Variants in CDK6 observed in about 807,000 individuals in gnomAD.
CDK6 encodes the protein cyclin-dependent kinase 6.
A neutral mutation model predicts 37.1 loss-of-function variants in CDK6; 6 were observed. The ratio of observed to expected loss-of-function variants is 0.16; its 90% CI spans 0.09 to 0.32. The LOEUF (loss-of-function observed/expected upper bound fraction) is 0.32. CDK6 is among the 10% of genes least tolerant of loss of function. The probability of loss-of-function intolerance (pLI) is 1.00; values close to 1 mark genes in which losing one functional copy is unlikely to be tolerated. For synonymous variants in CDK6, 160 were observed against 161.3 expected (o/e 0.99, Z 0.06); for missense variants, 224 against 418.9 (o/e 0.53, Z 4.06).
intron 4 of CDK6, among the ~76,000 whole-genome samples, chr7:92,718,296 G>A (rs1387066428): frequency 2.6e-5 from 4 of 152,160 alleles, no homozygotes; most frequent in Admixed American, 1.3e-4. Context: ...TTTCGCTGAG[G>A]TGCCGAGGCG....
intron 5 of CDK6, among the ~76,000 whole-genome samples, chr7:92,628,283 C>G (rs920780835): frequency 7.0e-6 from 1 of 142,126 alleles, no homozygotes; most frequent in Non-Finnish European, 1.6e-5. Context: ...GTTTTAAAAT[C>G]AGAAGAAAAA....
intron 4 of CDK6, among the ~76,000 whole-genome samples, chr7:92,713,283 A>C (rs1798144327): frequency 6.6e-6 from 1 of 152,244 alleles, no homozygotes; most frequent in Non-Finnish European, 1.5e-5. Context: ...TAATATACAT[A>C]AACCTGTAAA....
intron 3 of CDK6, among the ~76,000 whole-genome samples, chr7:92,726,397 A>G (rs573281256): frequency 1.1e-4 from 16 of 152,170 alleles, no homozygotes; most frequent in Non-Finnish European, 2.2e-4. Flanking sequence ...TCATACTAGC[A>G]AGAGAGTGCT....
At chr7:92,652,330 C>T (rs1796595002) in intron 5 of CDK6, among the ~76,000 whole-genome samples, 1 of 152,206 alleles carries the variant, frequency 6.6e-6, no homozygotes, top group Non-Finnish European at 1.5e-5. Flanking sequence ...AATTTAGCTA[C>T]TCCATTTTAC....
Position 92,612,528 on chromosome 7 carries a change from G to T in CDK6, c.*2612C>A, listed in dbSNP as rs750768075. On this transcript the variant is annotated 3_prime_UTR_variant, in exon 8 of 8. Transcript: ENST00000424848. Reference sequence around the variant, plus strand: ...TTCACTCAAATGCAACAACTACACCGATGGAAGAACTGGGGACAGATTTTT... The same window carrying T: ...TTCACTCAAATGCAACAACTACACCTATGGAAGAACTGGGGACAGATTTTT... The T allele has an allele frequency of 4.3e-6, 1 of 233,038 alleles. No individual in the cohort carries two copies. Among genetic ancestry groups the T allele is most frequent in the East Asian group, 6.0e-5 (1 of 16,538 alleles). The allele number at this position is 233,038 out of a possible 1,614,324, so 14.4% of individuals were successfully genotyped here.
chr7:92,643,445 C>T (rs529480905), intron 5 of CDK6, among the ~76,000 whole-genome samples: 8 of 151,904 alleles, frequency 5.3e-5, no homozygotes, highest in African/African-American at 1.2e-4. Context: ...ATAAGACTGA[C>T]GTGGTCCCTG....
chr7:92,611,899 C>G lies in CDK6; in HGVS notation c.*3241G>C, dbSNP rs1296527592. On this transcript the variant is annotated 3_prime_UTR_variant, in exon 8 of 8. Transcript: ENST00000424848. The stretch of plus-strand genomic sequence containing the variant: ...TTCCTGAGAGAAAATCATGAGAATA[C>G]AGGGGGCTGAAATGGCCCCAAGCTT... The G allele has an allele frequency of 8.6e-5, 20 of 232,462 alleles. No individual in the cohort carries two copies. The highest frequency in any genetic ancestry group is 1.4e-4 in the Non-Finnish European group (17 of 117,682). The allele number at this position is 232,462 out of a possible 1,614,324, so 14.4% of individuals were successfully genotyped here. A position where few individuals can be genotyped will look rare whatever the true frequency, so the allele number is the denominator to read the frequency against.
chr7:92,750,237 T>C (rs1584048993), intron 3 of CDK6, among the ~76,000 whole-genome samples: 1 of 151,712 alleles, frequency 6.6e-6, no homozygotes. Flanking sequence ...AGCACAGTAC[T>C]AACTGCATGA....
intron 4 of CDK6, among the ~76,000 whole-genome samples, chr7:92,686,901 T>C (rs1385935303): frequency 6.6e-6 from 1 of 152,212 alleles, no homozygotes; most frequent in South Asian, 2.1e-4. Context: ...CATATATTTG[T>C]TGGCCATTTG....
intron 3 of CDK6, among the ~76,000 whole-genome samples, chr7:92,751,439 AT>A (rs1022490183): frequency 6.6e-6 from 1 of 152,054 alleles, no homozygotes; most frequent in African/African-American, 2.4e-5. Flanking sequence ...TTTAAGCAGG[AT>A]TTTTTCATTG....
chr7:92,615,313 T>C, intron 7 of CDK6, 27 bp from the exon 8 acceptor site: 1 of 1,546,902 alleles, frequency 6.5e-7, no homozygotes, highest in Non-Finnish European at 8.9e-7. Flanking sequence ...AATAATTGGT[T>C]GATATACAAT....
chr7:92,619,848 G>T (rs987096257), intron 6 of CDK6, among the ~76,000 whole-genome samples: 11 of 151,860 alleles, frequency 7.2e-5, no homozygotes, highest in African/African-American at 2.7e-4. Flanking sequence ...GCAATATATA[G>T]ATTTGTTCAA....
At chr7:92,724,682 T>C (rs1265724382) in intron 4 of CDK6, among the ~76,000 whole-genome samples, 2 of 152,202 alleles carry the variant, frequency 1.3e-5, no homozygotes, top group Non-Finnish European at 2.9e-5. Flanking sequence ...ATGCTGTCCC[T>C]GATGTGAGAA....
chr7:92,700,704 T>C (rs1797822899), intron 4 of CDK6, among the ~76,000 whole-genome samples: 2 of 152,200 alleles, frequency 1.3e-5, no homozygotes, highest in Admixed American at 6.5e-5. Flanking sequence ...GGAGATAGCA[T>C]GTACAGGCTA....
chr7:92,661,244 C>A (rs983663832), intron 5 of CDK6, among the ~76,000 whole-genome samples: 2 of 152,180 alleles, frequency 1.3e-5, no homozygotes, highest in African/African-American at 4.8e-5. Context: ...AAAGCCTCTT[C>A]TTGGGCCTCA....
chr7:92,807,336 G>A lies in CDK6; in HGVS notation c.233+25755C>T, dbSNP rs144662191. Among the ~76,000 whole-genome samples the A allele has an allele frequency of 1.3e-3, 198 of 151,958 alleles. 1 individual carries two copies. The highest frequency in any genetic ancestry group is 4.1e-3 in the African/African-American group (171 of 41,446). On this transcript the variant is annotated intron_variant, in intron 2 of 7. Coordinates refer to ENST00000424848, the MANE Select transcript of CDK6 (RefSeq NM_001145306.2). The stretch of plus-strand genomic sequence containing the variant: ...AGAGATATCTATATCTAGATAGAGA[G>A]ATGTATATATCTCCAGATTTCTGTA...
intron 4 of CDK6, among the ~76,000 whole-genome samples, chr7:92,716,425 G>GATTC (rs1180851421): frequency 2.0e-5 from 3 of 152,222 alleles, no homozygotes; most frequent in Non-Finnish European, 2.9e-5. Flanking sequence ...GAATCGTAAG[G>GATTC]ATTCATTCAT....
intron 5 of CDK6, among the ~76,000 whole-genome samples, chr7:92,628,765 A>G (rs1795986858): frequency 6.6e-6 from 1 of 152,072 alleles, no homozygotes; most frequent in African/African-American, 2.4e-5. Flanking sequence ...GCACCAGACA[A>G]TATCTGCCTG....
At chr7:92,742,436 T>A (rs1389724928) in intron 3 of CDK6, among the ~76,000 whole-genome samples, 3 of 152,214 alleles carry the variant, frequency 2.0e-5, no homozygotes, top group African/African-American at 7.2e-5. Context: ...TCTCAGAGTG[T>A]CAGACATGAC....
Sources: allele counts gnomAD v4.1 joint callset (sites outside exome capture counted in the v4.1 genomes callset), GRCh38; gene constraint gnomAD v4.1.1; transcripts MANE v1.5; gene names NCBI Gene and HGNC (gene_info 2026-07-23, HGNC 2026-07-21).